Variants in NRG1 observed in about 807,000 individuals in gnomAD.
The protein encoded by NRG1 is neuregulin 1.
A neutral mutation model predicts 63.8 loss-of-function variants in NRG1; 18 were observed. That is an observed-to-expected ratio of 0.28 (90% CI 0.19 to 0.42). The LOEUF (loss-of-function observed/expected upper bound fraction) is 0.42, where lower values mean the gene tolerates loss of function less well. NRG1 is among the 10% of genes least tolerant of loss of function. The probability of loss-of-function intolerance (pLI) is 1.00; values close to 1 mark genes in which losing one functional copy is unlikely to be tolerated. For synonymous variants in NRG1, 302 were observed against 301.3 expected, an observed-to-expected ratio of 1.00 and a Z score of -0.02; for missense variants, 762 against 814.7, an observed-to-expected ratio of 0.94 and a Z score of 0.79.
At chr8:32,380,024 C>T (rs952656887) in intron 1 of NRG1, among the ~76,000 whole-genome samples, 1 of 152,168 alleles carries the variant, frequency 6.6e-6, no homozygotes, top group African/African-American at 2.4e-5. Flanking sequence ...CTCCCTTTCA[C>T]AGACCTACTT....
Position 32,307,591 on chromosome 8 carries a change from GTGTGT to G in NRG1, c.38-288236_38-288232del, listed in dbSNP as rs1856351407. On this transcript the variant is annotated intron_variant, in intron 1 of 10. Coordinates refer to the NRG1 transcript ENST00000519301. ...TGGCTCTATGGTCACCCAGGGGTTT[GTGTGT>G]GTGTGTGTGTGTGTGTGTGTGTGTG... is the stretch of plus-strand genomic sequence containing the variant. 3.4e-4 allele frequency among the ~76,000 whole-genome samples: 11 copies of G among 32,156 alleles called. 1 individual carries two copies. In the South Asian group the frequency reaches 0.014, roughly 41 times the overall value. The allele number at this position is 32,156 out of a possible 152,430, so 21.1% of individuals were successfully genotyped here.
At chr8:32,443,802 C>T (rs1044606257) in intron 1 of NRG1, among the ~76,000 whole-genome samples, 8 of 150,034 alleles carry the variant, frequency 5.3e-5, no homozygotes, top group African/African-American at 2.5e-5. Flanking sequence ...TCATGCTTTT[C>T]GAGAACGCAT....
chr8:31,821,648 C>T (rs1824014504), intron 1 of NRG1, among the ~76,000 whole-genome samples: 1 of 151,318 alleles, frequency 6.6e-6, no homozygotes, highest in South Asian at 2.1e-4. Flanking sequence ...ATTTGTCTTA[C>T]CCTCTACTTA....
At chr8:32,033,883 G>A (rs939131050) in intron 1 of NRG1, among the ~76,000 whole-genome samples, 1 of 152,158 alleles carries the variant, frequency 6.6e-6, no homozygotes, top group Admixed American at 6.5e-5. Context: ...ATAGGGTCAT[G>A]TCATCTACAG....
At chr8:31,756,972 G>A (rs889845836) in intron 1 of NRG1, among the ~76,000 whole-genome samples, 4 of 152,156 alleles carry the variant, frequency 2.6e-5, no homozygotes, top group African/African-American at 9.7e-5. Flanking sequence ...TTGAAGACAA[G>A]GGGCCAGACA....
At chr8:31,652,754 A>G (rs1158142043) in intron 1 of NRG1, among the ~76,000 whole-genome samples, 3 of 152,232 alleles carry the variant, frequency 2.0e-5, no homozygotes, top group African/African-American at 7.2e-5. Flanking sequence ...ATCTTCTTGT[A>G]GGAGAAAATA....
At chr8:31,723,136 T>C (rs1420435799) in intron 1 of NRG1, among the ~76,000 whole-genome samples, 2 of 152,154 alleles carry the variant, frequency 1.3e-5, no homozygotes, top group African/African-American at 4.8e-5. Context: ...ATAAAGATGG[T>C]ATTTTGTATT....
At chr8:31,972,156 C>A (rs1037142691) in intron 1 of NRG1, among the ~76,000 whole-genome samples, 2 of 152,082 alleles carry the variant, frequency 1.3e-5, no homozygotes, top group East Asian at 1.9e-4. Flanking sequence ...ATAATCTATC[C>A]TTCAGAGGCT....
downstream of NRG1, among the ~76,000 whole-genome samples, chr8:32,772,212 T>C (rs1284976992): frequency 2.0e-5 from 3 of 151,602 alleles, no homozygotes; most frequent in African/African-American, 7.3e-5. Flanking sequence ...TCCTCTTCAC[T>C]CTTTACTCCA....
In NRG1 at chr8:32,548,304, T is replaced by C; in HGVS notation, c.-423T>C. ...CAATTGAAAAAGAGCCGGCGAGGAGTTCCCCGAAACTTGTTGGAACTCCGG... is the reference window on the plus strand; with the variant it reads ...CAATTGAAAAAGAGCCGGCGAGGAGCTCCCCGAAACTTGTTGGAACTCCGG... On this transcript the variant is annotated 5_prime_UTR_variant, in exon 1 of 12. Coordinates refer to ENST00000356819, the Ensembl canonical transcript of NRG1. 2.0e-6 allele frequency: 2 copies of C among 990,680 alleles called. No homozygotes were observed. The highest frequency in any genetic ancestry group is 2.4e-6 in the Non-Finnish European group (2 of 833,690). 61.4% of individuals were successfully genotyped at this position (990,680 alleles called of 1,614,324 possible). A position where few individuals can be genotyped will look rare whatever the true frequency, so the allele number is the denominator to read the frequency against.
At chr8:32,643,726 A>T (rs759981071) in intron 5 of NRG1, among the ~76,000 whole-genome samples, 9 of 152,218 alleles carry the variant, frequency 5.9e-5, no homozygotes, top group Non-Finnish European at 1.2e-4. Context: ...AGCTCATTTG[A>T]TTTAAATGAT....
At chr8:32,212,571 A>T (rs1586126773) in intron 1 of NRG1, among the ~76,000 whole-genome samples, 1 of 152,154 alleles carries the variant, frequency 6.6e-6, no homozygotes, top group South Asian at 2.1e-4. Context: ...ATTTTCCATG[A>T]GCTTTCATGA....
At chr8:32,408,805 A>G (rs964939542) in intron 1 of NRG1, among the ~76,000 whole-genome samples, 1 of 152,136 alleles carries the variant, frequency 6.6e-6, no homozygotes, top group African/African-American at 2.4e-5. Context: ...TTACATGGAT[A>G]TAACTCTGGT....
At chr8:32,030,919 A>G (rs933735720) in intron 1 of NRG1, among the ~76,000 whole-genome samples, 2 of 152,216 alleles carry the variant, frequency 1.3e-5, no homozygotes, top group African/African-American at 2.4e-5. Context: ...AACAGCCAGC[A>G]TATAATACTA....
chr8:32,356,841 T>C (rs1806501045), intron 1 of NRG1, among the ~76,000 whole-genome samples: 2 of 151,660 alleles, frequency 1.3e-5, no homozygotes, highest in South Asian at 4.2e-4. Context: ...ATGAAGAGAC[T>C]AAAACCTTCA....
intron 1 of NRG1, among the ~76,000 whole-genome samples, chr8:32,176,543 C>T (rs1840752935): frequency 6.6e-6 from 1 of 152,218 alleles, no homozygotes; most frequent in South Asian, 2.1e-4. Context: ...AACAGGCAGC[C>T]TACAGAATGG....
chr8:32,090,877 G>A (rs549746204), intron 1 of NRG1, among the ~76,000 whole-genome samples: 14 of 152,102 alleles, frequency 9.2e-5, no homozygotes, highest in East Asian at 1.9e-4. Flanking sequence ...TCACTACCAC[G>A]ACCATCATCA....
intron 1 of NRG1, among the ~76,000 whole-genome samples, chr8:31,791,450 A>G (rs182295813): frequency 5.9e-5 from 9 of 152,276 alleles, no homozygotes; most frequent in Non-Finnish European, 1.2e-4. Flanking sequence ...GCCACCTCCT[A>G]TCAAGAATAT....
chr8:31,802,317 G>T (rs918508161), intron 1 of NRG1, among the ~76,000 whole-genome samples: 1 of 152,076 alleles, frequency 6.6e-6, no homozygotes, highest in African/African-American at 2.4e-5. Flanking sequence ...ATAGTAATAA[G>T]AATTTATTTC....
Sources: allele counts gnomAD v4.1 joint callset (sites outside exome capture counted in the v4.1 genomes callset), GRCh38; gene constraint gnomAD v4.1.1; transcripts MANE v1.5; gene names NCBI Gene and HGNC (gene_info 2026-07-23, HGNC 2026-07-21).